The following RBMS3 variants were observed in gnomAD, a reference collection of about 807,000 sequenced individuals.
The protein encoded by RBMS3 is RNA-binding motif, single-stranded-interacting protein 3.
A neutral mutation model predicts 66.8 loss-of-function variants in RBMS3; 27 were observed. The ratio of observed to expected loss-of-function variants is 0.40; its 90% CI spans 0.30 to 0.56. The LOEUF is 0.56. Ranked by LOEUF, RBMS3 falls within the 20% of genes least tolerant of loss-of-function variation. RBMS3 has a pLI of 0.40. For missense variants in RBMS3, 513 were observed against 549.5 expected, an observed-to-expected ratio of 0.93 and a Z score of 0.66; for synonymous variants, 188 against 183.0, an observed-to-expected ratio of 1.03 and a Z score of -0.22.
At chr3:29,654,126 T>A (rs1576446915) in intron 4 of RBMS3, among the ~76,000 whole-genome samples, 1 of 152,194 alleles carries the variant, frequency 6.6e-6, no homozygotes, top group South Asian at 2.1e-4. Context: ...CTTTCTTTTT[T>A]AACAGCTGCC....
intron 1 of RBMS3, among the ~76,000 whole-genome samples, chr3:29,431,355 C>A (rs2041190192): frequency 7.1e-6 from 1 of 140,748 alleles, no homozygotes; most frequent in Non-Finnish European, 1.5e-5. Context: ...TACAGTGGCG[C>A]AATCTCGGCT....
At chr3:29,436,306 A>G (rs1025559898) in intron 2 of RBMS3, among the ~76,000 whole-genome samples, 3 of 152,230 alleles carry the variant, frequency 2.0e-5, no homozygotes, top group African/African-American at 7.2e-5. Flanking sequence ...ATACAAATAC[A>G]TAACTGTCTA....
intron 4 of RBMS3, among the ~76,000 whole-genome samples, chr3:29,623,696 A>G (rs541613066): frequency 6.6e-6 from 1 of 152,330 alleles, no homozygotes; most frequent in East Asian, 1.9e-4. Flanking sequence ...ATTATAATTG[A>G]AAGTGTATGA....
At position 29,503,546 on chromosome 3, in the gene RBMS3, T is replaced by C. The variant is rs568555775; in HGVS notation, c.307+15047T>C. 2.6e-5 allele frequency among the ~76,000 whole-genome samples: 4 copies of C among 152,184 alleles called. No homozygotes were observed. The East Asian group carries it at 7.8e-4, about 29-fold the overall frequency. On this transcript the variant is annotated intron_variant, in intron 3 of 14. Transcript: ENST00000383767. ...GTTCCTGAGTGGTCTTTCTCTGGCC[T>C]GACATTCTACTTCCAGGCACCAATC...
chr3:29,737,705 T>G (rs1039717402), intron 4 of RBMS3, among the ~76,000 whole-genome samples: 1 of 152,088 alleles, frequency 6.6e-6, no homozygotes, highest in Non-Finnish European at 1.5e-5. Context: ...TATTTACCAC[T>G]TCACAAAAAC....
At chr3:29,886,907 TC>T (rs2149585186) in intron 8 of RBMS3, among the ~76,000 whole-genome samples, 1 of 151,894 alleles carries the variant, frequency 6.6e-6, no homozygotes, top group Admixed American at 6.6e-5. Flanking sequence ...AACTTTTCAA[TC>T]ATGCATTAAG....
chr3:29,614,247 C>T lies in RBMS3; in HGVS notation c.399+27042C>T, dbSNP rs186721432. ...GAAAAACAAATACTGCATGATCTCA[C>T]TTATATGTGGAATCAGAAAAAGCAT... On this transcript the variant is annotated intron_variant, in intron 4 of 14. Transcript: ENST00000383767. Among the ~76,000 whole-genome samples, 461 of 152,134 alleles carry T rather than the reference C, an allele frequency of 3.0e-3. 1 individual carries two copies. Among genetic ancestry groups the T allele is most frequent in the African/African-American group, 0.011 (440 of 41,500 alleles).
intron 1 of RBMS3, among the ~76,000 whole-genome samples, chr3:29,303,214 G>A (rs1334692280): frequency 1.3e-5 from 2 of 152,046 alleles, no homozygotes; most frequent in Non-Finnish European, 2.9e-5. Flanking sequence ...AAGGAGCTTT[G>A]AAGTCATCAG....
At chr3:29,671,666 T>C (rs2051006424) in intron 4 of RBMS3, among the ~76,000 whole-genome samples, 1 of 152,022 alleles carries the variant, frequency 6.6e-6, no homozygotes, top group South Asian at 2.1e-4. Flanking sequence ...TTCGATCAAG[T>C]GGAAGAAAGG....
At chr3:29,765,793 A>C (rs2055897439) in intron 6 of RBMS3, 1 of 152,944 alleles carries the variant, frequency 6.5e-6, no homozygotes, top group South Asian at 2.1e-4. Context: ...AAGACTGGGC[A>C]ATTTACGAAA....
chr3:29,287,529 C>A (rs9832625), intron 1 of RBMS3, among the ~76,000 whole-genome samples: 133,746 of 152,034 alleles, frequency 0.88, 59,093 homozygotes, highest in Middle Eastern at 0.93. Flanking sequence ...ATATGATGCT[C>A]TTCAGTGTTG....
chr3:29,850,798 C>A (rs935746200), intron 6 of RBMS3, among the ~76,000 whole-genome samples: 6 of 152,166 alleles, frequency 3.9e-5, no homozygotes, highest in African/African-American at 1.4e-4. Context: ...TTGAGTTGCA[C>A]CTTTCTCCTC....
intron 3 of RBMS3, among the ~76,000 whole-genome samples, chr3:29,577,370 G>A (rs926978260): frequency 2.0e-5 from 3 of 152,198 alleles, no homozygotes; most frequent in Admixed American, 1.3e-4. Context: ...CTTATGGCTG[G>A]GGGAGGGATG....
chr3:29,325,169 A>C (rs1250208938), intron 1 of RBMS3, among the ~76,000 whole-genome samples: 1 of 152,176 alleles, frequency 6.6e-6, no homozygotes, highest in African/African-American at 2.4e-5. Context: ...TATCTCCAAA[A>C]TATTTTGTGA....
chr3:29,541,314 C>T (rs760024962), intron 3 of RBMS3, among the ~76,000 whole-genome samples: 4 of 152,014 alleles, frequency 2.6e-5, no homozygotes, highest in Admixed American at 6.6e-5. Context: ...AAACCCATCT[C>T]ACAGTTTTTC....
chr3:29,942,859 A>G (rs1259833384), intron 11 of RBMS3, among the ~76,000 whole-genome samples: 2 of 149,340 alleles, frequency 1.3e-5, no homozygotes, highest in Non-Finnish European at 3.0e-5. Context: ...GCAATTTTTC[A>G]AAAGGTACTA....
At chr3:29,709,214 C>A (rs1028286203) in intron 4 of RBMS3, among the ~76,000 whole-genome samples, 22 of 152,132 alleles carry the variant, frequency 1.4e-4, no homozygotes, top group African/African-American at 5.3e-4. Flanking sequence ...CTGCAGCCAA[C>A]GAGTAATCAG....
rs550205399 is a variant in RBMS3 at position 30,005,732 on chromosome 3, G to T, written c.*1870G>T. On this transcript the variant is annotated 3_prime_UTR_variant, in exon 15 of 15. Coordinates refer to ENST00000383767, the MANE Select transcript of RBMS3 (RefSeq NM_001003793.3). The stretch of plus-strand genomic sequence containing the variant: ...TTTTTGTATATTGGTGTTGCCGAAA[G>T]AACTTTTTCTTTCAGTTTAATTCTT... 2.0e-4 allele frequency: 31 copies of T among 151,822 alleles called. No individual in the cohort carries two copies. Among genetic ancestry groups the T allele is most frequent in the Middle Eastern group, 3.4e-3 (1 of 294 alleles). The allele number at this position is 151,822 out of a possible 1,614,324, so 9.4% of individuals were successfully genotyped here.
rs552914682 is a variant in RBMS3 at position 29,413,198 on chromosome 3, G to A, written c.76-21545G>A. On this transcript the variant is annotated intron_variant, in intron 1 of 14. Transcript: ENST00000383767. ...AGCCTGGCCAACATGGTGAAACCCT[G>A]TCTCTATTAAAAATACAAAAAATTA... Among the ~76,000 whole-genome samples the A allele has an allele frequency of 1.5e-3, 235 of 152,206 alleles. 1 individual carries two copies. The highest frequency in any genetic ancestry group is 5.2e-3 in the African/African-American group (218 of 41,536).
Sources: allele counts gnomAD v4.1 joint callset (sites outside exome capture counted in the v4.1 genomes callset), GRCh38; gene constraint gnomAD v4.1.1; transcripts MANE v1.5; gene names NCBI Gene and HGNC (gene_info 2026-07-23, HGNC 2026-07-21).